The following B3GLCT variants were observed in gnomAD, a reference collection of about 807,000 sequenced individuals.
B3GLCT encodes beta-1,3-glucosyltransferase.
B3GLCT carries 65 observed loss-of-function variants against 63.4 expected under a neutral mutation model. The ratio of observed to expected loss-of-function variants is 1.03; its 90% CI spans 0.84 to 1.26. The LOEUF (loss-of-function observed/expected upper bound fraction) is 1.26. Ranked by LOEUF, B3GLCT falls within the 50% of genes most tolerant of loss-of-function variation. The pLI, the probability that B3GLCT is intolerant of heterozygous loss-of-function variation, is 0.00. For synonymous variants in B3GLCT, 233 were observed against 219.2 expected, an observed-to-expected ratio of 1.06 and a Z score of -0.55; for missense variants, 577 against 604.8, an observed-to-expected ratio of 0.95 and a Z score of 0.48.
chr13:31,224,238 C>T (rs533737958), intron 3 of B3GLCT, among the ~76,000 whole-genome samples: 35 of 152,272 alleles, frequency 2.3e-4, no homozygotes, highest in South Asian at 2.3e-3. Flanking sequence ...GGTTTAGCCA[C>T]GCCTTTCCAT....
intron 3 of B3GLCT, among the ~76,000 whole-genome samples, chr13:31,224,497 A>G (rs924277331): frequency 6.6e-6 from 1 of 152,158 alleles, no homozygotes; most frequent in Non-Finnish European, 1.5e-5. Context: ...CTTTGTCACA[A>G]TCTTTGTGTG....
intron 12 of B3GLCT, among the ~76,000 whole-genome samples, chr13:31,309,671 A>G (rs939469710): frequency 6.6e-6 from 1 of 152,074 alleles, no homozygotes; most frequent in Non-Finnish European, 1.5e-5. Flanking sequence ...AGGAGTGTGG[A>G]GCTTCCTTGC....
intron 10 of B3GLCT, among the ~76,000 whole-genome samples, chr13:31,278,498 G>C (rs1872904256): frequency 6.6e-6 from 1 of 152,130 alleles, no homozygotes; most frequent in Non-Finnish European, 1.5e-5. Flanking sequence ...CTGTTAATTT[G>C]AATCTGGGAT....
intron 11 of B3GLCT, 121 bp from the exon 12 acceptor site, chr13:31,286,599 C>A (rs1566082063): frequency 2.9e-6 from 2 of 694,976 alleles, no homozygotes; most frequent in Non-Finnish European, 4.9e-6. Flanking sequence ...AAATTTTGAA[C>A]TTTTAAGCTG....
At chr13:31,259,444 G>A (rs944727191) in intron 6 of B3GLCT, among the ~76,000 whole-genome samples, 2 of 151,872 alleles carry the variant, frequency 1.3e-5, no homozygotes, top group African/African-American at 2.4e-5. Flanking sequence ...TTTTGTCCTG[G>A]CAGTCTGAAC....
intron 10 of B3GLCT, among the ~76,000 whole-genome samples, chr13:31,279,988 G>A (rs1872985330): frequency 6.6e-6 from 1 of 152,220 alleles, no homozygotes. Flanking sequence ...CAGGCAGACA[G>A]ACTTTAAGGG....
At chr13:31,300,655 G>A (rs1874176806) in intron 12 of B3GLCT, among the ~76,000 whole-genome samples, 1 of 152,160 alleles carries the variant, frequency 6.6e-6, no homozygotes, top group Admixed American at 6.5e-5. Flanking sequence ...GACTGGTTGA[G>A]TCATGAGTCA....
intron 13 of B3GLCT, among the ~76,000 whole-genome samples, chr13:31,321,083 G>A (rs181452092): frequency 6.2e-4 from 94 of 152,232 alleles, no homozygotes; most frequent in Middle Eastern, 6.8e-3. Context: ...TTCATTTCTC[G>A]TTATTTCCTC....
At chr13:31,323,973 T>A in intron 14 of B3GLCT, 78 bp downstream of exon 14, 2 of 1,538,964 alleles carry the variant, frequency 1.3e-6, no homozygotes, top group Admixed American at 3.3e-5. Flanking sequence ...GACTTCTTTC[T>A]CTTCACATAT....
intron 12 of B3GLCT, among the ~76,000 whole-genome samples, chr13:31,296,693 A>G (rs1217078667): frequency 2.7e-5 from 1 of 37,130 alleles, no homozygotes; most frequent in Non-Finnish European, 7.5e-5. Flanking sequence ...ATACTGTAAA[A>G]TTATGTAACA....
chr13:31,315,975 C>G (rs1874984970), intron 12 of B3GLCT, among the ~76,000 whole-genome samples: 1 of 152,206 alleles, frequency 6.6e-6, no homozygotes. Context: ...AGTGTTGGGC[C>G]TGCAGGTACA....
At chr13:31,254,719 A>G (rs1349068926) in intron 6 of B3GLCT, among the ~76,000 whole-genome samples, 1 of 152,152 alleles carries the variant, frequency 6.6e-6, no homozygotes, top group East Asian at 1.9e-4. Flanking sequence ...AGGAAGTCAA[A>G]TTGTCTCTGT....
chr13:31,275,313 C>T lies in B3GLCT; in HGVS notation c.780+685C>T, dbSNP rs146185485. 2.7e-3 allele frequency among the ~76,000 whole-genome samples: 415 copies of T among 152,358 alleles called. 2 individuals carry two copies. The highest frequency in any genetic ancestry group is 9.5e-3 in the African/African-American group (395 of 41,584). On this transcript the variant is annotated intron_variant, in intron 9 of 14. Transcript: ENST00000343307. The stretch of plus-strand genomic sequence containing the variant: ...GAGGCACAGAGAAGCCAAGTGCTTG[C>T]TTATGGCTACACAGCTAGTAGGGAG...
chr13:31,247,888 G>A lies in B3GLCT; in HGVS notation c.381G>A (p.Trp127Ter). 6.2e-7 allele frequency: 1 copy of A among 1,609,308 alleles called. No individual in the cohort carries two copies. Among genetic ancestry groups the A allele is most frequent in the Non-Finnish European group, 8.5e-7 (1 of 1,176,090 alleles). Residue 127 changes from tryptophan to a stop codon, truncating the protein, a stop_gained, in exon 6 of 15, where the codon TGG becomes TGA. Coordinates refer to ENST00000343307, the MANE Select transcript of B3GLCT (RefSeq NM_194318.4). LOFTEE classifies it high-confidence loss of function. ...FSVTYSRNSS[W>*]IFFCEEETRI... ...TAACATATAGCAGAAATTCATCTTG[G>A]ATTTTCTTCTGTGAAGAAGAGACAA... is the stretch of plus-strand genomic sequence containing the variant.
intron 13 of B3GLCT, among the ~76,000 whole-genome samples, chr13:31,321,193 A>T (rs1329211210): frequency 6.6e-6 from 1 of 152,244 alleles, no homozygotes; most frequent in Non-Finnish European, 1.5e-5. Context: ...GCTAACATTG[A>T]CCAATGTGAT....
chr13:31,248,742 A>T (rs894735167), intron 6 of B3GLCT, among the ~76,000 whole-genome samples: 2 of 152,192 alleles, frequency 1.3e-5, no homozygotes, highest in African/African-American at 4.8e-5. Context: ...TGCAGATTTG[A>T]TAGAGCAACT....
chr13:31,294,718 T>C (rs1041049173), intron 12 of B3GLCT, among the ~76,000 whole-genome samples: 2 of 152,058 alleles, frequency 1.3e-5, no homozygotes, highest in Non-Finnish European at 2.9e-5. Context: ...CTAACCTTTT[T>C]TCAAGGTTCT....
At chr13:31,285,161 T>C (rs1873258848) in intron 11 of B3GLCT, among the ~76,000 whole-genome samples, 1 of 152,222 alleles carries the variant, frequency 6.6e-6, no homozygotes, top group South Asian at 2.1e-4. Context: ...TAGTTATATG[T>C]AGAATAAACT....
At position 31,330,440 on chromosome 13, in the gene B3GLCT, C is replaced by T. The variant is rs1322663930; in HGVS notation, c.*772C>T. 1.3e-5 allele frequency: 2 copies of T among 151,894 alleles called. No individual in the cohort carries two copies. The highest frequency in any genetic ancestry group is 2.9e-5 in the Non-Finnish European group (2 of 67,996). The allele number at this position is 151,894 out of a possible 1,614,324, so 9.4% of individuals were successfully genotyped here. A position where few individuals can be genotyped will look rare whatever the true frequency, so the allele number is the denominator to read the frequency against. On this transcript the variant is annotated 3_prime_UTR_variant, in exon 15 of 15. Coordinates refer to ENST00000343307, the MANE Select transcript of B3GLCT (RefSeq NM_194318.4). The stretch of plus-strand genomic sequence containing the variant: ...GTAGATGCTGCCAGAAAATAGTGTC[C>T]TCAATATTTTAAAACAATGTTGACA...
Sources: gnomAD v4.1 joint callset for allele counts (sites outside exome capture counted in the v4.1 genomes callset) on GRCh38, gnomAD v4.1.1 for gene constraint, MANE v1.5 for transcripts, NCBI Gene and HGNC (gene_info 2026-07-23, HGNC 2026-07-21) for gene names.